Variants in ETFA observed in about 807,000 individuals in gnomAD.
The protein encoded by ETFA is electron transfer flavoprotein subunit alpha.
ETFA carries 22 observed loss-of-function variants against 46.2 expected under a neutral mutation model. The observed-to-expected ratio is 0.48, with a 90% confidence interval of 0.34 to 0.68. The LOEUF (loss-of-function observed/expected upper bound fraction) is 0.68, where lower values mean the gene tolerates loss of function less well. ETFA is among the 30% of genes least tolerant of loss of function. The pLI is 0.01. For synonymous variants in ETFA, 131 were observed against 139.9 expected, an observed-to-expected ratio of 0.94 and a Z score of 0.45; for missense variants, 345 against 401.1, an observed-to-expected ratio of 0.86 and a Z score of 1.19.
chr15:76,225,307 GAC>G (rs1305831849), intron 11 of ETFA, among the ~76,000 whole-genome samples: 2 of 152,036 alleles, frequency 1.3e-5, no homozygotes, highest in East Asian at 1.9e-4. Context: ...TTGTTTTTGA[GAC>G]AGAGTCTCTC....
At chr15:76,247,097 A>G (rs894992045) in intron 9 of ETFA, among the ~76,000 whole-genome samples, 1 of 152,230 alleles carries the variant, frequency 6.6e-6, no homozygotes, top group Non-Finnish European at 1.5e-5. Flanking sequence ...GACTCTTTCC[A>G]AATTAATCTA....
chr15:76,275,058 C>A (rs182084708), intron 8 of ETFA, among the ~76,000 whole-genome samples: 3,213 of 152,212 alleles, frequency 0.021, 107 homozygotes, highest in African/African-American at 0.074. Context: ...CAACTAACAA[C>A]CTCCAAAAAC....
intron 9 of ETFA, among the ~76,000 whole-genome samples, chr15:76,267,166 A>G (rs1330987596): frequency 2.0e-5 from 3 of 152,192 alleles, no homozygotes; most frequent in Non-Finnish European, 4.4e-5. Flanking sequence ...CAGCCATTAC[A>G]GTTTTTAGTT....
At position 76,243,555 on chromosome 15, in the gene ETFA, T is replaced by C. The variant is rs961090567; in HGVS notation, c.817-12157A>G. Among the ~76,000 whole-genome samples the C allele has an allele frequency of 8.6e-5, 12 of 139,796 alleles. No homozygotes were observed. In the Admixed American group the frequency reaches 8.8e-4, roughly 10 times the overall value. 91.7% of individuals were successfully genotyped at this position (139,796 alleles called of 152,430 possible). On this transcript the variant is annotated intron_variant, in intron 9 of 11. Transcript: ENST00000557943. ...GCTCACGCCAGTAATCCTAGCACTT[T>C]GGGAGGCCGAGGCGGGTGGATCACA...
At chr15:76,284,535 G>C in intron 7 of ETFA, 1 of 185,890 alleles carries the variant, frequency 5.4e-6, no homozygotes, top group Non-Finnish European at 1.1e-5. Flanking sequence ...TTGTTGCCCA[G>C]GCTGAAATGC....
chr15:76,296,058 G>A (rs540500834), intron 1 of ETFA, among the ~76,000 whole-genome samples: 1 of 145,894 alleles, frequency 6.9e-6, no homozygotes, highest in East Asian at 2.1e-4. Flanking sequence ...CCATTCTCCC[G>A]CCTCCGCCTC....
chr15:76,237,028 TGGGATGCAGCTAGA>T (rs2039131458), intron 9 of ETFA, among the ~76,000 whole-genome samples: 1 of 152,146 alleles, frequency 6.6e-6, no homozygotes, highest in Non-Finnish European at 1.5e-5. Flanking sequence ...TCAGAACATG[TGGGATGCAGCTAGA>T]GTGGTATTTA....
chr15:76,231,239 A>G lies in ETFA; in HGVS notation c.882+94T>C, dbSNP rs1227537415. ...GATCTACGTTAGTGTGAATGGCTTG[A>G]CTACATGCATTGTAACTACATGGAA... On this transcript the variant is annotated intron_variant, in intron 10 of 11. Transcript: ENST00000557943. 4.9e-6 allele frequency: 4 copies of G among 812,722 alleles called. No homozygotes were observed. In the Admixed American group the frequency reaches 5.1e-5, roughly 10 times the overall value. 50.3% of individuals were successfully genotyped at this position (812,722 alleles called of 1,614,324 possible).
At chr15:76,302,983 C>T (rs2039895797) in intron 1 of ETFA, among the ~76,000 whole-genome samples, 1 of 152,100 alleles carries the variant, frequency 6.6e-6, no homozygotes, top group African/African-American at 2.4e-5. Flanking sequence ...ACAGGCCAAA[C>T]TCTACTTAAA....
intron 11 of ETFA, among the ~76,000 whole-genome samples, chr15:76,217,244 C>A (rs552356939): frequency 5.8e-4 from 89 of 152,294 alleles, no homozygotes; most frequent in African/African-American, 2.0e-3. Flanking sequence ...GCATTCTTCC[C>A]ACCCTTAACT....
chr15:76,256,341 C>A (rs2039345862), intron 9 of ETFA, among the ~76,000 whole-genome samples: 1 of 150,172 alleles, frequency 6.7e-6, no homozygotes, highest in Non-Finnish European at 1.5e-5. Flanking sequence ...TTCTGTGTGA[C>A]AAACTGTGAA....
chr15:76,221,625 A>T (rs76634793), intron 11 of ETFA, among the ~76,000 whole-genome samples: 3,222 of 152,210 alleles, frequency 0.021, 109 homozygotes, highest in African/African-American at 0.074. Flanking sequence ...TTTGTCACAG[A>T]CTCTATTAGT....
At chr15:76,278,587 A>T (rs1376653933) in intron 8 of ETFA, among the ~76,000 whole-genome samples, 2 of 152,178 alleles carry the variant, frequency 1.3e-5, no homozygotes, top group Admixed American at 1.3e-4. Context: ...TTTTCCTCTA[A>T]ATAAATAAAC....
At chr15:76,271,169 C>CAA (rs35403723) in intron 9 of ETFA, among the ~76,000 whole-genome samples, 910 of 57,158 alleles carry the variant, frequency 0.016, 20 homozygotes, top group African/African-American at 0.048. Flanking sequence ...GACTATGTCT[C>CAA]AAAAAAAAAA....
intron 9 of ETFA, among the ~76,000 whole-genome samples, chr15:76,265,868 C>G (rs966396618): frequency 2.6e-5 from 4 of 152,146 alleles, no homozygotes; most frequent in African/African-American, 9.7e-5. Context: ...ACAAACAGAT[C>G]AGACTGGATT....
At chr15:76,293,160 T>C (rs1218971393) in intron 2 of ETFA, among the ~76,000 whole-genome samples, 3 of 152,124 alleles carry the variant, frequency 2.0e-5, no homozygotes, top group Non-Finnish European at 4.4e-5. Context: ...ATTAAAATAT[T>C]AAAATACATT....
chr15:76,217,198 G>A (rs1240321875), intron 11 of ETFA, among the ~76,000 whole-genome samples: 8 of 152,116 alleles, frequency 5.3e-5, no homozygotes, highest in Admixed American at 5.2e-4. Flanking sequence ...TTGTCTGGGT[G>A]AAGAGTACTG....
At chr15:76,228,072 T>C (rs542670031) in intron 10 of ETFA, 67 of 424,696 alleles carry the variant, frequency 1.6e-4, no homozygotes, top group Non-Finnish European at 2.7e-4. Flanking sequence ...TTCACGGCGA[T>C]AAGCAGAGAT....
At chr15:76,260,420 C>G in intron 9 of ETFA, 2 of 1,584,994 alleles carry the variant, frequency 1.3e-6, no homozygotes, top group Non-Finnish European at 8.6e-7. Context: ...CCACAGGTAC[C>G]CAGGATGTGC....
Sources: allele counts gnomAD v4.1 joint callset (sites outside exome capture counted in the v4.1 genomes callset), GRCh38; gene constraint gnomAD v4.1.1; transcripts MANE v1.5; gene names NCBI Gene and HGNC (gene_info 2026-07-23, HGNC 2026-07-21).